Variants in B3GALT1 observed in about 807,000 individuals in gnomAD.
The protein encoded by B3GALT1 is beta-1,3-galactosyltransferase 1.
A neutral mutation model predicts 23.2 loss-of-function variants in B3GALT1; 10 were observed. The ratio of observed to expected loss-of-function variants is 0.43; its 90% confidence interval spans 0.27 to 0.73. B3GALT1 has a LOEUF of 0.73. Among genes scored for constraint, B3GALT1 ranks in the 30% least tolerant of loss-of-function variants. The pLI, the probability that B3GALT1 is intolerant of heterozygous loss-of-function variation, is 0.21. For missense variants in B3GALT1, 299 were observed against 405.4 expected (o/e 0.74, Z 2.25); for synonymous variants, 156 against 141.5 (o/e 1.10, Z -0.73).
At chr2:167,647,798 T>G (rs7590515) in intron 3 of B3GALT1, among the ~76,000 whole-genome samples, 6,333 of 152,170 alleles carry the variant, frequency 0.042, 459 homozygotes, top group African/African-American at 0.14. Context: ...TTAAATTTTA[T>G]GGGTACATGG....
intron 3 of B3GALT1, among the ~76,000 whole-genome samples, chr2:167,666,273 T>A (rs1440909545): frequency 6.6e-6 from 1 of 152,248 alleles, no homozygotes; most frequent in Non-Finnish European, 1.5e-5. Context: ...AGTGAGATTC[T>A]TAATCCTGAG....
intron 4 of B3GALT1, among the ~76,000 whole-genome samples, 132 bp downstream of exon 4, chr2:167,818,925 GTTTT>G (rs1452685117): frequency 6.6e-6 from 1 of 152,120 alleles, no homozygotes; most frequent in South Asian, 2.1e-4. Flanking sequence ...AAAAGTCTAG[GTTTT>G]TTTCTTTATT....
At chr2:167,344,676 A>T (rs573561941) in intron 1 of B3GALT1, among the ~76,000 whole-genome samples, 1 of 152,292 alleles carries the variant, frequency 6.6e-6, no homozygotes, top group South Asian at 2.1e-4. Flanking sequence ...TATCTATGTG[A>T]GCTCTGGTGT....
intron 4 of B3GALT1, among the ~76,000 whole-genome samples, chr2:167,861,928 T>A (rs1231228116): frequency 6.6e-6 from 1 of 152,116 alleles, no homozygotes; most frequent in Non-Finnish European, 1.5e-5. Context: ...GATTTAGAAA[T>A]GCAAAGGAAA....
chr2:167,431,169 C>T (rs1005598569), intron 1 of B3GALT1, among the ~76,000 whole-genome samples: 8 of 152,214 alleles, frequency 5.3e-5, no homozygotes, highest in South Asian at 2.1e-4. Context: ...AATAATCATC[C>T]GACCTTCACA....
chr2:167,858,254 T>C (rs539277321), intron 4 of B3GALT1, among the ~76,000 whole-genome samples: 1 of 151,516 alleles, frequency 6.6e-6, no homozygotes, highest in Non-Finnish European at 1.5e-5. Flanking sequence ...CTTTTTAATA[T>C]AGGCTCTGTC....
intron 1 of B3GALT1, among the ~76,000 whole-genome samples, chr2:167,410,734 GA>G (rs796924944): frequency 2.0e-5 from 3 of 151,926 alleles, no homozygotes; most frequent in African/African-American, 7.3e-5. Flanking sequence ...GTGTATCCCA[GA>G]ACTTAAAGTA....
At chr2:167,559,452 C>T (rs1041693280) in intron 2 of B3GALT1, among the ~76,000 whole-genome samples, 26 of 152,162 alleles carry the variant, frequency 1.7e-4, no homozygotes, top group African/African-American at 5.6e-4. Context: ...CGAAGCTGGA[C>T]GGAGGATGAC....
chr2:167,618,806 A>G (rs1050750527), intron 2 of B3GALT1, among the ~76,000 whole-genome samples: 1 of 151,990 alleles, frequency 6.6e-6, no homozygotes, highest in African/African-American at 2.4e-5. Flanking sequence ...TAATATTTTG[A>G]TGGATATTTC....
At chr2:167,716,068 C>A (rs1687140247) in intron 3 of B3GALT1, 1 of 1,573,588 alleles carries the variant, frequency 6.4e-7, no homozygotes, top group African/African-American at 1.4e-5. Flanking sequence ...TCCTCCATAG[C>A]GCCAAGCTGC....
chr2:167,520,522 C>T (rs1168659376), intron 2 of B3GALT1, among the ~76,000 whole-genome samples: 1 of 152,150 alleles, frequency 6.6e-6, no homozygotes, highest in African/African-American at 2.4e-5. Context: ...TCTCAAAACA[C>T]TCATAATATG....
intron 3 of B3GALT1, among the ~76,000 whole-genome samples, chr2:167,704,118 T>C (rs1310633841): frequency 2.0e-5 from 3 of 147,788 alleles, no homozygotes; most frequent in Non-Finnish European, 3.0e-5. Flanking sequence ...GAGGCGGAGC[T>C]TGCAATGAGC....
At chr2:167,504,636 A>T (rs558246012) in intron 2 of B3GALT1, among the ~76,000 whole-genome samples, 2 of 149,228 alleles carry the variant, frequency 1.3e-5, no homozygotes, top group African/African-American at 4.9e-5. Flanking sequence ...AACATAACAC[A>T]GTCATACACT....
At chr2:167,488,210 A>G (rs2105340286) in intron 1 of B3GALT1, among the ~76,000 whole-genome samples, 1 of 152,244 alleles carries the variant, frequency 6.6e-6, no homozygotes, top group African/African-American at 2.4e-5. Flanking sequence ...AAACACCAAT[A>G]TTTTCAGCAC....
At chr2:167,593,286 C>T (rs1684716373) in intron 2 of B3GALT1, among the ~76,000 whole-genome samples, 1 of 152,120 alleles carries the variant, frequency 6.6e-6, no homozygotes, top group Non-Finnish European at 1.5e-5. Flanking sequence ...AAGAAATGAA[C>T]TATTTCCATA....
chr2:167,788,260 C>T (rs1200289164), intron 3 of B3GALT1, among the ~76,000 whole-genome samples: 1 of 135,116 alleles, frequency 7.4e-6, no homozygotes, highest in African/African-American at 2.9e-5. Context: ...AATTTTTCCA[C>T]AGTCCGGAAG....
intron 1 of B3GALT1, among the ~76,000 whole-genome samples, chr2:167,410,289 G>A (rs1400461879): frequency 1.3e-5 from 2 of 151,874 alleles, no homozygotes; most frequent in Non-Finnish European, 2.9e-5. Context: ...GGATCACGAG[G>A]TCAAGAGATC....
chr2:167,696,754 C>T (rs533574523), intron 3 of B3GALT1, among the ~76,000 whole-genome samples: 1 of 152,242 alleles, frequency 6.6e-6, no homozygotes, highest in East Asian at 1.9e-4. Flanking sequence ...TAAATAATAG[C>T]AGTATTGTAT....
rs372691854 is a variant in B3GALT1, at chr2:167,540,736, C to T, written c.-410+50459C>T. On this transcript the variant is annotated intron_variant, in intron 2 of 4. Coordinates refer to ENST00000392690, the MANE Select transcript of B3GALT1 (RefSeq NM_020981.4). ...TATTTCTAATGTACCATTAAATCTA[C>T]TTTTATATTTTATCTCACTCCCTAT... 2.4e-4 allele frequency among the ~76,000 whole-genome samples: 37 copies of T among 152,244 alleles called. No homozygotes were observed. In the East Asian group the frequency reaches 5.0e-3, roughly 21 times the overall value.
Sources: gnomAD v4.1 joint callset for allele counts (sites outside exome capture counted in the v4.1 genomes callset) on GRCh38, gnomAD v4.1.1 for gene constraint, MANE v1.5 for transcripts, NCBI Gene and HGNC (gene_info 2026-07-23, HGNC 2026-07-21) for gene names.